Variants in HAVCR2 observed in about 807,000 individuals in gnomAD.
The protein encoded by HAVCR2 is hepatitis A virus cellular receptor 2.
Under a neutral mutation model 24.7 loss-of-function variants are expected in HAVCR2, and 13 were observed. The ratio of observed to expected loss-of-function variants is 0.53; its 90% CI spans 0.34 to 0.84. The LOEUF (loss-of-function observed/expected upper bound fraction) is 0.84, where lower values mean the gene tolerates loss of function less well. HAVCR2 is among the 40% of genes least tolerant of loss of function. The probability of loss-of-function intolerance (pLI) is 0.01; values close to 1 mark genes in which losing one functional copy is unlikely to be tolerated. For synonymous variants in HAVCR2, 154 were observed against 143.4 expected, an observed-to-expected ratio of 1.07 and a Z score of -0.53; for missense variants, 343 against 371.2, an observed-to-expected ratio of 0.92 and a Z score of 0.62.
chr5:157,090,287 G>A (rs1756979229), intron 5 of HAVCR2, among the ~76,000 whole-genome samples: 1 of 151,556 alleles, frequency 6.6e-6, no homozygotes, highest in Non-Finnish European at 1.5e-5. Flanking sequence ...CACTACCACA[G>A]CTGGATAATT....
At chr5:157,105,587 T>C (rs1757235837) in intron 2 of HAVCR2, among the ~76,000 whole-genome samples, 1 of 152,194 alleles carries the variant, frequency 6.6e-6, no homozygotes, top group Non-Finnish European at 1.5e-5. Context: ...TGATCGGTAT[T>C]ATTGTCATAT....
At chr5:157,095,558 C>A (rs1243450524) in intron 4 of HAVCR2, 99 bp from the exon 5 acceptor site, 4 of 1,310,314 alleles carry the variant, frequency 3.1e-6, no homozygotes, top group Non-Finnish European at 4.3e-6. Context: ...TTTACAACAT[C>A]ACAGGATGGC....
intron 5 of HAVCR2, among the ~76,000 whole-genome samples, chr5:157,093,870 G>A (rs763077076): frequency 2.0e-4 from 31 of 151,994 alleles, no homozygotes; most frequent in Non-Finnish European, 4.0e-4. Context: ...ACTTGAACCC[G>A]GGAGGCAGAG....
Position 157,087,193 on chromosome 5 carries a change from T to C in HAVCR2, c.815A>G (p.Tyr272Cys). 1.2e-6 allele frequency: 2 copies of C among 1,614,116 alleles called. No homozygotes were observed. Among genetic ancestry groups the C allele is most frequent in the Admixed American group, 1.7e-5 (1 of 59,990 alleles). ...ATACTCATTGGGCTCCTCCACTTCA[T>C]ATACGTTCTCTTCAATGGTATAGAT... Reference protein sequence around the residue: ...ENIYTIEENVYEVEEPNEYYC... With the variant: ...ENIYTIEENVCEVEEPNEYYC... Residue 272 changes from tyrosine to cysteine, a missense_variant, in exon 7 of 7, where the codon TAT becomes TGT. By Grantham distance (194) the Tyr-to-Cys change is radical. Transcript: ENST00000307851.
chr5:157,106,094 T>C (rs574988430), intron 2 of HAVCR2: 1 of 157,180 alleles, frequency 6.4e-6, no homozygotes, highest in Non-Finnish European at 1.4e-5. Context: ...TCATCCCATC[T>C]ATACATTCCA....
At chr5:157,107,446 T>C (rs929233757) in intron 1 of HAVCR2, 3 of 155,028 alleles carry the variant, frequency 1.9e-5, no homozygotes, top group African/African-American at 7.2e-5. Flanking sequence ...AACATACTTC[T>C]CTTTTTAAGC....
At chr5:157,107,349 A>T (rs988758553) in intron 1 of HAVCR2, 2 of 170,164 alleles carry the variant, frequency 1.2e-5, no homozygotes, top group African/African-American at 4.7e-5. Flanking sequence ...ATGGAAACAG[A>T]CAATCAGAAA....
At chr5:157,087,927 A>G (rs1756939303) in intron 6 of HAVCR2, among the ~76,000 whole-genome samples, 5 of 150,884 alleles carry the variant, frequency 3.3e-5, no homozygotes, top group Admixed American at 3.3e-4. Flanking sequence ...AAAATTATTA[A>G]TGCTTTAGAT....
At chr5:157,107,969 C>T (rs1473629998) in intron 1 of HAVCR2, among the ~76,000 whole-genome samples, 4 of 151,148 alleles carry the variant, frequency 2.6e-5, no homozygotes, top group African/African-American at 9.8e-5. Context: ...AGACCTGTCT[C>T]TCAGGTGCCT....
rs917304044 is a variant in HAVCR2, at chr5:157,109,014, C to T, written c.-31G>A. On this transcript the variant is annotated 5_prime_UTR_variant, in exon 1 of 7. Coordinates refer to ENST00000307851, the MANE Select transcript of HAVCR2 (RefSeq NM_032782.5). ...TTGCAGAAGAAAAGTCAGAGGACAC[C>T]TCTGTTAGGCACAGTTTTAACTCTC... 2 of 1,603,774 alleles carry T rather than the reference C, an allele frequency of 1.2e-6. No individual in the cohort carries two copies. Among genetic ancestry groups the T allele is most frequent in the Non-Finnish European group, 8.5e-7 (1 of 1,170,696 alleles).
At chr5:157,087,840 T>C (rs1299334453) in intron 6 of HAVCR2, among the ~76,000 whole-genome samples, 1 of 150,520 alleles carries the variant, frequency 6.6e-6, no homozygotes, top group East Asian at 2.0e-4. Flanking sequence ...GAAGCAGAGG[T>C]TATAGTGAGC....
Position 157,106,945 on chromosome 5 carries a change from A to G in HAVCR2, c.76T>C (p.Tyr26His). 6.2e-7 allele frequency: 1 copy of G among 1,613,526 alleles called. No homozygotes were observed. The highest frequency in any genetic ancestry group is 1.1e-5 in the South Asian group (1 of 90,976). ...LLLTRSSEVE[Y>H]RAEVGQNAYL... ...GCATTCTGACCGACCTCCGCTCTGTATTCCACTTCTGAGGACCCTGCATAG... is the reference window on the plus strand; with the variant it reads ...GCATTCTGACCGACCTCCGCTCTGTGTTCCACTTCTGAGGACCCTGCATAG... Residue 26 changes from tyrosine (Y) to histidine (H), a missense_variant, in exon 2 of 7, where the codon TAC becomes CAC. Physicochemically the swap from Tyr to His is moderately conservative, Grantham distance 83 (BLOSUM62 2). Coordinates refer to ENST00000307851, the MANE Select transcript of HAVCR2 (RefSeq NM_032782.5).
In HAVCR2 at chr5:157,086,962, C is replaced by T; in HGVS notation, c.*140G>A. 1.4e-6 allele frequency: 1 copy of T among 700,734 alleles called. No homozygotes were observed. 43.4% of individuals were successfully genotyped at this position (700,734 alleles called of 1,614,324 possible). On this transcript the variant is annotated 3_prime_UTR_variant, in exon 7 of 7. Coordinates refer to ENST00000307851, the MANE Select transcript of HAVCR2 (RefSeq NM_032782.5). ...GTTCAGTGCAGGTCCCAGTTCAATT[C>T]CCATGTGAGTCATTATCTTCTGAAA...
intron 4 of HAVCR2, among the ~76,000 whole-genome samples, chr5:157,096,629 T>C (rs1757097728): frequency 6.6e-6 from 1 of 151,736 alleles, no homozygotes; most frequent in Non-Finnish European, 1.5e-5. Context: ...ATACAAAAAT[T>C]AGCCAGGTGT....
chr5:157,090,438 T>C (rs957268264), intron 5 of HAVCR2, among the ~76,000 whole-genome samples: 2 of 152,028 alleles, frequency 1.3e-5, no homozygotes, highest in South Asian at 4.2e-4. Context: ...CTACTAAAAA[T>C]ACAAAAACTA....
intron 5 of HAVCR2, among the ~76,000 whole-genome samples, chr5:157,091,672 A>G (rs1388654639): frequency 2.0e-5 from 3 of 152,182 alleles, no homozygotes; most frequent in South Asian, 4.1e-4. Context: ...ACTAGAACAT[A>G]TATTCTGCTA....
rs34742999 is a variant in HAVCR2, at chr5:157,105,019, A to C, written c.395-270T>G. The C allele has an allele frequency of 5.5e-3, 1,130 of 204,284 alleles. 3 individuals carry two copies. Among genetic ancestry groups the C allele is most frequent in the Non-Finnish European group, 8.3e-3 (858 of 102,858 alleles). 12.7% of individuals were successfully genotyped at this position (204,284 alleles called of 1,614,324 possible). On this transcript the variant is annotated intron_variant, in intron 2 of 6. Transcript: ENST00000307851. ...AAATGGCCATAATTACAGGTTGAAG[A>C]CTCCTTATCTGAAATGCTTGAGATC...
chr5:157,096,951 C>T (rs1335311823), intron 4 of HAVCR2, among the ~76,000 whole-genome samples: 1 of 149,524 alleles, frequency 6.7e-6, no homozygotes, highest in African/African-American at 2.5e-5. Context: ...CACACACACA[C>T]ACACACACAC....
intron 4 of HAVCR2, among the ~76,000 whole-genome samples, chr5:157,096,645 C>T (rs1044785790): frequency 6.6e-6 from 1 of 151,914 alleles, no homozygotes. Context: ...GGTGTGGTGG[C>T]GGGCACCTAT....
Sources: allele counts gnomAD v4.1 joint callset (sites outside exome capture counted in the v4.1 genomes callset), GRCh38; gene constraint gnomAD v4.1.1; transcripts MANE v1.5; gene names NCBI Gene and HGNC (gene_info 2026-07-23, HGNC 2026-07-21).